Variants in IGSF22 observed in about 807,000 individuals in gnomAD.
The protein encoded by IGSF22 is immunoglobulin superfamily, member 22.
A neutral mutation model predicts 127.0 loss-of-function variants in IGSF22; 119 were observed. The observed-to-expected ratio is 0.94, with a 90% CI of 0.81 to 1.09. The LOEUF is 1.09. Among genes scored for constraint, IGSF22 ranks in the 50% least tolerant of loss-of-function variants. The pLI is 0.00. For synonymous variants in IGSF22, 568 were observed against 664.7 expected (o/e 0.85, Z 2.24); for missense variants, 1,518 against 1,716.6 (o/e 0.88, Z 2.04).
At position 18,721,768 on chromosome 11, in the gene IGSF22, C is replaced by T. The variant is rs1008055603; in HGVS notation, c.242-97G>A. 1.8e-5 allele frequency: 28 copies of T among 1,590,204 alleles called. No homozygotes were observed. The Admixed American group carries it at 2.0e-4, about 12-fold the overall frequency. ...CTCTGCCTCCTCCCAGACACCTGGG[C>T]CTGGCCCCGGGCAGGGGAGGAACCC... On this transcript the variant is annotated intron_variant, in intron 3 of 22. Transcript: ENST00000513874.
rs760744460 is a variant in IGSF22 at position 18,717,924 on chromosome 11, C to G, written c.973+7G>C. ...CTCCTTGTGCCCTTGCATGCCCCCACTCATACCCAGCACTGTGAGCTCTGC... is the reference window on the plus strand; with the variant it reads ...CTCCTTGTGCCCTTGCATGCCCCCAGTCATACCCAGCACTGTGAGCTCTGC... On this transcript the variant is annotated splice_region_variant and intron_variant, in intron 9 of 22. Transcript: ENST00000513874. 2.5e-6 allele frequency: 4 copies of G among 1,612,522 alleles called. No individual in the cohort carries two copies. The Admixed American group carries it at 5.0e-5, about 20-fold the overall frequency.
chr11:18,713,767 G>C lies in IGSF22; in HGVS notation c.2095+85C>G, dbSNP rs1848400659. On this transcript the variant is annotated intron_variant, in intron 14 of 22. Coordinates refer to ENST00000513874, the MANE Select transcript of IGSF22 (RefSeq NM_173588.4). ...AGCCCAAACTTCAACTCTAACTCTG[G>C]CCTCCTACTCAGCCTGCCTTCTGCC... The C allele has an allele frequency of 4.5e-6, 5 of 1,115,956 alleles. No individual in the cohort carries two copies. In the Admixed American group the frequency reaches 9.7e-5, roughly 22 times the overall value. The allele number at this position is 1,115,956 out of a possible 1,614,324, so 69.1% of individuals were successfully genotyped here.
intron 14 of IGSF22, among the ~76,000 whole-genome samples, chr11:18,713,221 T>C (rs971322277): frequency 1.3e-5 from 2 of 150,488 alleles, no homozygotes; most frequent in African/African-American, 4.9e-5. Flanking sequence ...GGCCTGATCC[T>C]GGCTCACTGC....
chr11:18,709,207 ATGAT>A lies in IGSF22; in HGVS notation c.2998+176_2998+179del, dbSNP rs5790045. The stretch of plus-strand genomic sequence containing the variant: ...CACAGTAGATGCTATTTGGCACACA[ATGAT>A]TGATTTAGTAGGGGTGCCCCTGAAG... On this transcript the variant is annotated intron_variant, in intron 18 of 22. Transcript: ENST00000513874. The surrounding 1 kb of genome is among the most constrained non-coding windows in gnomAD (Gnocchi z 4.8). Among the ~76,000 whole-genome samples, 108,444 of 151,544 alleles carry A rather than the reference ATGAT, an allele frequency of 0.72. 39,074 individuals carry two copies. The highest frequency in any genetic ancestry group is 0.81 in the East Asian group (4,173 of 5,132).
chr11:18,720,404 A>G (rs1310675132), intron 4 of IGSF22, 119 bp from the exon 5 acceptor site: 4 of 684,264 alleles, frequency 5.8e-6, no homozygotes, highest in Admixed American at 2.6e-5. Context: ...ACTGTTGGGT[A>G]TATGTGTGGA....
intron 7 of IGSF22, 120 bp from the exon 8 acceptor site, chr11:18,718,848 T>C: frequency 1.5e-6 from 1 of 673,052 alleles, no homozygotes; most frequent in East Asian, 2.5e-5. Flanking sequence ...GCTCATTAGA[T>C]AACAACGTGC....
intron 2 of IGSF22, among the ~76,000 whole-genome samples, chr11:18,723,024 C>A (rs974649479): frequency 2.0e-5 from 3 of 152,210 alleles, no homozygotes; most frequent in Admixed American, 6.5e-5. Context: ...CAACACTGAA[C>A]CTGTATTCCC....
rs1472855080 is a variant in IGSF22 at position 18,716,992 on chromosome 11, G to A, written c.982C>T (p.Leu328=). ...SAELTVLDEP[L]KFLGEMKPVK... is the part of the protein sequence containing the mutation. The stretch of plus-strand genomic sequence containing the variant: ...GGCTTCATCTCTCCCAGGAACTTCA[G>A]TGGCTCATCTGCAGCAAACAGTAGG... Residue 328 remains leucine (L), a synonymous_variant, in exon 10 of 23, where the codon CTG becomes TTG. Coordinates refer to ENST00000513874, the MANE Select transcript of IGSF22 (RefSeq NM_173588.4). The surrounding 1 kb of genome is among the most constrained non-coding windows in gnomAD (Gnocchi z 4.5). The A allele has an allele frequency of 3.1e-6, 5 of 1,613,986 alleles. No individual in the cohort carries two copies. In the African/African-American group the frequency reaches 5.3e-5, roughly 17 times the overall value.
rs539986516 is a variant in IGSF22 at position 18,719,493 on chromosome 11, A to G, written c.696+223T>C. Among the ~76,000 whole-genome samples, 16 of 152,270 alleles carry G rather than the reference A, an allele frequency of 1.1e-4. No homozygotes were observed. In the South Asian group the frequency reaches 1.7e-3, roughly 16 times the overall value. On this transcript the variant is annotated intron_variant, in intron 7 of 22. Transcript: ENST00000513874. ...AGAACTGGGATTTGAATCTCGGTCT[A>G]TCTGACTCCAAAGTCCATGCAAGTA...
rs1211103203 is a variant in IGSF22, at chr11:18,706,066, G to T, written c.3661C>A (p.Pro1221Thr). 2 of 1,550,752 alleles carry T rather than the reference G, an allele frequency of 1.3e-6. No individual in the cohort carries two copies. The highest frequency in any genetic ancestry group is 4.9e-5 in the East Asian group (2 of 40,912). The change falls in exon 22 of 23, where the codon CCA becomes ACA. Residue 1221 changes from proline to threonine, a missense_variant. This residue lies in a region of IGSF22 where 1,456 missense variants were observed against 1,644.9 expected (regional missense o/e 0.89). Transcript: ENST00000513874. ...HAPRFVTPLK[P>T]HTVLRGQDCT... The stretch of plus-strand genomic sequence containing the variant: ...TCCTGGCCGCGGAGCACCGTGTGTG[G>T]CTTGAGGGGCGTCACGAAGCGCGGC...
At chr11:18,715,352 G>A (rs1197522392) in intron 11 of IGSF22, 80 bp downstream of exon 11, 1 of 1,434,516 alleles carries the variant, frequency 7.0e-7, no homozygotes, top group Admixed American at 1.7e-5. Flanking sequence ...GTTAGTGGGA[G>A]GGGGGCAATT....
chr11:18,719,931 G>T, intron 6 of IGSF22, 38 bp from the exon 7 acceptor site: 1 of 1,612,948 alleles, frequency 6.2e-7, no homozygotes, highest in Non-Finnish European at 8.5e-7. Flanking sequence ...TGTACACAAT[G>T]CCTCTCCAAC....
At chr11:18,706,457 C>G in intron 21 of IGSF22, 1 of 455,074 alleles carries the variant, frequency 2.2e-6, no homozygotes, top group Non-Finnish European at 3.9e-6. Context: ...GCCTTTAACT[C>G]CGCCTCCAAG....
At chr11:18,712,911 C>T (rs1050197688) in intron 14 of IGSF22, among the ~76,000 whole-genome samples, 3 of 152,140 alleles carry the variant, frequency 2.0e-5, no homozygotes, top group African/African-American at 4.8e-5. Flanking sequence ...GTGGTGATGG[C>T]GTGTACGTGG....
At chr11:18,706,429 T>C in intron 21 of IGSF22, 1 of 501,640 alleles carries the variant, frequency 2.0e-6, no homozygotes, top group Non-Finnish European at 3.5e-6. Context: ...GCCAGCTTCC[T>C]GGACCCGGTT....
Position 18,707,031 on chromosome 11 carries a change from T to G in IGSF22, c.3463A>C (p.Thr1155Pro). ...CTGCCTGGGAGCAGCCCCGTCACTG[T>G]GTACTTGTTGCTGAAGACACGCTCG... ...AAERVFSNKY[T>P]VTGLLPGRKY... Residue 1155 changes from threonine to proline, a missense_variant, in exon 21 of 23, where the codon ACA becomes CCA. Thr to Pro is a conservative substitution (Grantham distance 38). Transcript: ENST00000513874. 1 of 1,551,650 alleles carries G rather than the reference T, an allele frequency of 6.4e-7. No homozygotes were observed. The highest frequency in any genetic ancestry group is 8.7e-7 in the Non-Finnish European group (1 of 1,146,980).
chr11:18,720,894 G>A (rs910793946), intron 4 of IGSF22, among the ~76,000 whole-genome samples: 3 of 152,214 alleles, frequency 2.0e-5, no homozygotes, highest in African/African-American at 7.2e-5. Flanking sequence ...GAAAAAAGGA[G>A]GCTCTTTGCC....
chr11:18,721,583 C>T lies in IGSF22; in HGVS notation c.330G>A (p.Glu110=). Residue 110 remains glutamate (E), a synonymous_variant, in exon 4 of 23, where the codon GAG becomes GAA. Transcript: ENST00000513874. ...WKRESGIPIK[E]SAKIFYDSIN... is the part of the protein sequence containing the mutation. ...TGCTGTCGTAGAATATCTTGGCGGACTCCTTGATGGGGATGCCGCTCTCCC... is the reference window on the plus strand; with the variant it reads ...TGCTGTCGTAGAATATCTTGGCGGATTCCTTGATGGGGATGCCGCTCTCCC... 1.2e-6 allele frequency: 2 copies of T among 1,614,268 alleles called. No homozygotes were observed. Among genetic ancestry groups the T allele is most frequent in the Non-Finnish European group, 1.7e-6 (2 of 1,180,042 alleles).
rs150744873 is a variant in IGSF22 at position 18,724,135 on chromosome 11, G to A, written c.102C>T (p.Ile34=). The change falls in exon 2 of 23, where the codon ATC becomes ATT. Residue 34 remains isoleucine, a synonymous_variant. Transcript: ENST00000513874. ...TGCCCCCATTCCACTTGCCTCCCAC[G>A]ATCTTGGTTGTCTGGGAGAAGGTCT... The part of the protein sequence containing the change: ...HVQTFSQTTK[I]VGEEVVRRKS... 1.1e-4 allele frequency: 173 copies of A among 1,611,868 alleles called. No homozygotes were observed. In the Middle Eastern group the frequency reaches 1.2e-3, roughly 11 times the overall value.
Sources: allele counts gnomAD v4.1 joint callset (sites outside exome capture counted in the v4.1 genomes callset), GRCh38; gene constraint gnomAD v4.1.1; regional missense constraint gnomAD v4.1.1; non-coding constraint Gnocchi (gnomAD v3.1); transcripts MANE v1.5; gene names NCBI Gene and HGNC (gene_info 2026-07-23, HGNC 2026-07-21).